MEI1: variants seen among roughly 807,000 people sequenced by gnomAD.
MEI1 encodes meiotic double-stranded break formation protein 1.
MEI1 carries 103 observed loss-of-function variants against 146.2 expected under a neutral mutation model. The observed-to-expected ratio is 0.70, with a 90% CI of 0.60 to 0.83. The LOEUF is 0.83. Ranked by LOEUF, MEI1 falls within the 40% of genes least tolerant of loss-of-function variation. The pLI is 0.00. For missense variants in MEI1, 1,529 were observed against 1,533.0 expected, an observed-to-expected ratio of 1.00 and a Z score of 0.04; for synonymous variants, 652 against 628.2, an observed-to-expected ratio of 1.04 and a Z score of -0.57.
At chr22:41,760,517 A>G (rs1250737954) in intron 18 of MEI1, among the ~76,000 whole-genome samples, 2 of 151,942 alleles carry the variant, frequency 1.3e-5, no homozygotes, top group Non-Finnish European at 2.9e-5. Flanking sequence ...TCAAAAAATA[A>G]ATAATTAATT....
At chr22:41,704,825 C>T (rs1279285859) in intron 2 of MEI1, among the ~76,000 whole-genome samples, 1 of 152,152 alleles carries the variant, frequency 6.6e-6, no homozygotes, top group African/African-American at 2.4e-5. Context: ...CGCCATTCTC[C>T]TGACTCAGCT....
chr22:41,707,147 G>T (rs892769261), intron 3 of MEI1, among the ~76,000 whole-genome samples: 3 of 152,104 alleles, frequency 2.0e-5, no homozygotes, highest in African/African-American at 7.2e-5. Context: ...AGGTTGCAGT[G>T]AGCTGAGATC....
At chr22:41,749,462 A>G (rs1472220947) in intron 15 of MEI1, among the ~76,000 whole-genome samples, 1 of 151,812 alleles carries the variant, frequency 6.6e-6, no homozygotes, top group Non-Finnish European at 1.5e-5. Flanking sequence ...TTTAGTAGAG[A>G]TGGGGTTTCT....
intron 24 of MEI1, among the ~76,000 whole-genome samples, chr22:41,782,275 G>A (rs1424677368): frequency 1.3e-5 from 2 of 152,176 alleles, no homozygotes; most frequent in Non-Finnish European, 2.9e-5. Flanking sequence ...GAGTGGTGAG[G>A]TGCTCTGTGT....
chr22:41,763,943 C>CTTTTTTTTTTT (rs71184839), intron 19 of MEI1, among the ~76,000 whole-genome samples: 1 of 91,558 alleles, frequency 1.1e-5, no homozygotes. Context: ...GGGAAGTTTC[C>CTTTTTTTTTTT]TTTTTTTTTT....
intron 15 of MEI1, among the ~76,000 whole-genome samples, chr22:41,750,375 A>G (rs114758788): frequency 0.013 from 1,940 of 152,314 alleles, 47 homozygotes; most frequent in African/African-American, 0.044. Context: ...CCAGAAGTCA[A>G]GTAAGATGAA....
intron 19 of MEI1, among the ~76,000 whole-genome samples, chr22:41,765,251 G>A (rs1388749522): frequency 6.6e-6 from 1 of 152,130 alleles, no homozygotes; most frequent in African/African-American, 2.4e-5. Context: ...CCTGACCTCA[G>A]GCGATCCACC....
intron 27 of MEI1, 149 bp downstream of exon 27, chr22:41,794,059 G>C (rs1457737824): frequency 1.3e-6 from 1 of 778,870 alleles, no homozygotes; most frequent in Non-Finnish European, 2.1e-6. Context: ...GGGCAGTCAT[G>C]CCCATTATAC....
At position 41,743,732 on chromosome 22, in the gene MEI1, T is replaced by G. The variant is rs568804327; in HGVS notation, c.1446+538T>G. ...CTCTTTACACCTGATGGAGTGGGGATTTTCTTGTGTTTTAGAGCAACTAAT... is the reference window on the plus strand; with the variant it reads ...CTCTTTACACCTGATGGAGTGGGGAGTTTCTTGTGTTTTAGAGCAACTAAT... On this transcript the variant is annotated intron_variant, in intron 12 of 30. Coordinates refer to ENST00000401548, the MANE Select transcript of MEI1 (RefSeq NM_152513.4). Among the ~76,000 whole-genome samples the G allele has an allele frequency of 3.9e-5, 6 of 152,264 alleles. No individual in the cohort carries two copies. The South Asian group carries it at 1.2e-3, about 32-fold the overall frequency.
chr22:41,726,547 T>C (rs1344948928), intron 7 of MEI1, among the ~76,000 whole-genome samples: 1 of 152,178 alleles, frequency 6.6e-6, no homozygotes, highest in Admixed American at 6.5e-5. Context: ...CCAAGAATCA[T>C]TGTTTTAATG....
At chr22:41,786,800 A>G (rs1422952859) in intron 26 of MEI1, among the ~76,000 whole-genome samples, 2 of 152,186 alleles carry the variant, frequency 1.3e-5, no homozygotes, top group Non-Finnish European at 2.9e-5. Flanking sequence ...GAAGGAGGGG[A>G]TCCAGAGCAA....
rs539012930 is a variant in MEI1, at chr22:41,705,597, T to C, written c.349+43T>C. ...ATCTAGCACTTGAAGATGAAAGTAT[T>C]AGTCTGAATTGCAGCTCTGGTTACT... On this transcript the variant is annotated intron_variant, in intron 3 of 30. Transcript: ENST00000401548. The C allele has an allele frequency of 1.9e-6, 3 of 1,550,776 alleles. No homozygotes were observed. The Admixed American group carries it at 5.0e-5, about 26-fold the overall frequency.
At chr22:41,757,638 G>A (rs1015761177) in intron 17 of MEI1, among the ~76,000 whole-genome samples, 2 of 152,018 alleles carry the variant, frequency 1.3e-5, no homozygotes, top group African/African-American at 4.8e-5. Flanking sequence ...ATTACAGCCT[G>A]GCCCACAGTT....
intron 26 of MEI1, among the ~76,000 whole-genome samples, chr22:41,790,330 C>T (rs1023402908): frequency 6.6e-6 from 1 of 152,154 alleles, no homozygotes; most frequent in Non-Finnish European, 1.5e-5. Context: ...AGTGATCTGC[C>T]TGCCTTGGCA....
chr22:41,790,888 C>G (rs1261654377), intron 26 of MEI1, among the ~76,000 whole-genome samples: 1 of 152,186 alleles, frequency 6.6e-6, no homozygotes, highest in Admixed American at 6.6e-5. Flanking sequence ...CACACCTGGT[C>G]TGAAAACTTC....
chr22:41,702,135 C>T (rs2068756943), intron 1 of MEI1, among the ~76,000 whole-genome samples: 1 of 152,150 alleles, frequency 6.6e-6, no homozygotes, highest in South Asian at 2.1e-4. Context: ...CAACTTCTAC[C>T]TTTTATTGAG....
At chr22:41,769,087 T>C (rs2075022819) in intron 19 of MEI1, among the ~76,000 whole-genome samples, 1 of 151,930 alleles carries the variant, frequency 6.6e-6, no homozygotes, top group Non-Finnish European at 1.5e-5. Context: ...CTAAAATTCA[T>C]ATGGAAATGC....
chr22:41,784,473 G>C lies in MEI1; in HGVS notation c.3169+53G>C. 1.9e-6 allele frequency: 3 copies of C among 1,604,914 alleles called. No homozygotes were observed. The Admixed American group carries it at 5.0e-5, about 27-fold the overall frequency. ...GAAAAGCTTTTTCCCTAGGTTTTCA[G>C]ATAAGACCAGCACCCTGACCAGCCA... On this transcript the variant is annotated intron_variant, in intron 25 of 30. Coordinates refer to ENST00000401548, the MANE Select transcript of MEI1 (RefSeq NM_152513.4).
At chr22:41,746,644 A>G (rs973075461) in intron 14 of MEI1, among the ~76,000 whole-genome samples, 2 of 152,184 alleles carry the variant, frequency 1.3e-5, no homozygotes, top group Non-Finnish European at 2.9e-5. Context: ...ACTCTGGGTA[A>G]CCTTGGATGA....
Sources: allele counts gnomAD v4.1 joint callset (sites outside exome capture counted in the v4.1 genomes callset), GRCh38; gene constraint gnomAD v4.1.1; transcripts MANE v1.5; gene names NCBI Gene and HGNC (gene_info 2026-07-23, HGNC 2026-07-21).